The following ACYP2 variants were observed in gnomAD, a reference collection of about 807,000 sequenced individuals.
ACYP2 encodes acylphosphatase-2.
Under a neutral mutation model 11.2 loss-of-function variants are expected in ACYP2, and 12 were observed. That is an observed-to-expected ratio of 1.08 (90% confidence interval 0.69 to 1.74). The LOEUF is 1.74. Ranked by LOEUF, ACYP2 falls within the 40% of genes most tolerant of loss-of-function variation. The pLI, the probability that ACYP2 is intolerant of heterozygous loss-of-function variation, is 0.00. For missense variants in ACYP2, 134 were observed against 101.9 expected (o/e 1.31, Z -1.35); for synonymous variants, 43 against 32.2 (o/e 1.33, Z -1.13).
At position 54,172,571 on chromosome 2, in the gene ACYP2, A is replaced by G. The variant is rs558458706; in HGVS notation, c.404+33823A>G. Among the ~76,000 whole-genome samples, 31 of 152,318 alleles carry G rather than the reference A, an allele frequency of 2.0e-4. No homozygotes were observed. In the South Asian group the frequency reaches 6.4e-3, roughly 32 times the overall value. ...GAGGGAGCAGTATGTGGATGAGTAG[A>G]ATAAATTGAACTCTACTAATCTCTT... On this transcript the variant is annotated intron_variant, in intron 6 of 6. Coordinates refer to ENST00000607452, the MANE Select transcript of ACYP2 (RefSeq NM_001320586.2).
chr2:54,035,096 C>A lies in ACYP2; in HGVS notation c.63-15862C>A, dbSNP rs529300238. Reference sequence around the variant, plus strand: ...CTCACACACTGACATTTAAGAGCCCCAGCCTTGGGCAAAATCACTTAACTT... The same window carrying A: ...CTCACACACTGACATTTAAGAGCCCAAGCCTTGGGCAAAATCACTTAACTT... On this transcript the variant is annotated intron_variant, in intron 2 of 6. Transcript: ENST00000607452. Among the ~76,000 whole-genome samples the A allele has an allele frequency of 4.6e-4, 70 of 150,650 alleles. No individual in the cohort carries two copies. In the Middle Eastern group the frequency reaches 0.017, roughly 37 times the overall value.
intron 4 of ACYP2, among the ~76,000 whole-genome samples, chr2:54,080,655 A>G (rs1232089346): frequency 2.6e-5 from 4 of 151,612 alleles, no homozygotes; most frequent in African/African-American, 9.7e-5. Flanking sequence ...TGCCCAGGTA[A>G]TTTTTGTATT....
At chr2:54,255,387 A>C (rs959523605) in intron 6 of ACYP2, 19 of 1,613,834 alleles carry the variant, frequency 1.2e-5, no homozygotes, top group Non-Finnish European at 1.5e-5. Flanking sequence ...GGTGGCGGAA[A>C]GCAGTGACCC....
At chr2:54,006,864 C>T (rs922958708) in intron 2 of ACYP2, among the ~76,000 whole-genome samples, 1 of 151,988 alleles carries the variant, frequency 6.6e-6, no homozygotes, top group Non-Finnish European at 1.5e-5. Flanking sequence ...GTGGCTCACA[C>T]CTGTAATCCC....
intron 6 of ACYP2, among the ~76,000 whole-genome samples, chr2:54,231,592 C>A (rs1054845263): frequency 3.9e-5 from 6 of 152,170 alleles, no homozygotes; most frequent in Admixed American, 2.6e-4. Flanking sequence ...GAGTTTGTTT[C>A]CTCATGTATC....
chr2:54,195,550 C>G (rs1030023112), intron 6 of ACYP2, among the ~76,000 whole-genome samples: 4 of 151,794 alleles, frequency 2.6e-5, no homozygotes, highest in Non-Finnish European at 5.9e-5. Flanking sequence ...ACTCCATCCT[C>G]CAGGGCACCT....
At chr2:54,136,365 T>G (rs1681233399) in intron 5 of ACYP2, among the ~76,000 whole-genome samples, 2 of 152,154 alleles carry the variant, frequency 1.3e-5, no homozygotes, top group Non-Finnish European at 2.9e-5. Context: ...ACTCCTTTCC[T>G]ACAACTTAAT....
intron 6 of ACYP2, among the ~76,000 whole-genome samples, chr2:54,225,411 T>C (rs1685972258): frequency 6.6e-6 from 1 of 152,226 alleles, no homozygotes; most frequent in African/African-American, 2.4e-5. Context: ...TAAAATTTGG[T>C]TAATTACAAA....
chr2:54,108,792 C>G (rs1474058899), intron 4 of ACYP2, among the ~76,000 whole-genome samples: 6 of 152,162 alleles, frequency 3.9e-5, no homozygotes, highest in Non-Finnish European at 7.3e-5. Context: ...GTAATATTAA[C>G]TTTACCTTTT....
intron 6 of ACYP2, among the ~76,000 whole-genome samples, chr2:54,282,448 A>G (rs576111836): frequency 1.3e-5 from 2 of 152,184 alleles, no homozygotes; most frequent in Admixed American, 6.5e-5. Context: ...CCTTGTGGTC[A>G]TATGTCAAGA....
chr2:54,176,712 C>T (rs766060839), intron 6 of ACYP2, among the ~76,000 whole-genome samples: 1 of 152,258 alleles, frequency 6.6e-6, no homozygotes, highest in African/African-American at 2.4e-5. Context: ...TGCTTAGTTG[C>T]TCAGTGCCTG....
intron 2 of ACYP2, among the ~76,000 whole-genome samples, chr2:54,003,932 C>T (rs1672927664): frequency 6.6e-6 from 1 of 152,136 alleles, no homozygotes; most frequent in Non-Finnish European, 1.5e-5. Flanking sequence ...TGGCCATTCT[C>T]ATAGATGCGT....
At chr2:54,164,809 T>C (rs1163562217) in intron 6 of ACYP2, among the ~76,000 whole-genome samples, 1 of 152,118 alleles carries the variant, frequency 6.6e-6, no homozygotes, top group Non-Finnish European at 1.5e-5. Flanking sequence ...TATCATCTAG[T>C]TTTTAAGCCC....
At chr2:54,291,280 T>C (rs1689292508) in intron 6 of ACYP2, among the ~76,000 whole-genome samples, 1 of 152,208 alleles carries the variant, frequency 6.6e-6, no homozygotes, top group African/African-American at 2.4e-5. Flanking sequence ...TCTGTTGCCT[T>C]CTTCTGCACC....
At chr2:54,035,767 A>G (rs1159253808) in intron 2 of ACYP2, among the ~76,000 whole-genome samples, 2 of 152,190 alleles carry the variant, frequency 1.3e-5, no homozygotes, top group African/African-American at 4.8e-5. Context: ...CCAATGGTAG[A>G]TGTTTCCTTC....
intron 6 of ACYP2, among the ~76,000 whole-genome samples, chr2:54,271,625 C>T (rs1221639557): frequency 6.6e-6 from 1 of 152,016 alleles, no homozygotes; most frequent in African/African-American, 2.4e-5. Context: ...ATCAGAGAGA[C>T]TGATTTGAGT....
intron 6 of ACYP2, among the ~76,000 whole-genome samples, chr2:54,297,479 C>A (rs1173243826): frequency 6.6e-6 from 1 of 152,052 alleles, no homozygotes; most frequent in African/African-American, 2.4e-5. Context: ...ACCTGGGTGA[C>A]AAAGTGAGAC....
At chr2:54,073,215 T>A (rs1015070171) in intron 4 of ACYP2, among the ~76,000 whole-genome samples, 9 of 152,118 alleles carry the variant, frequency 5.9e-5, no homozygotes, top group African/African-American at 2.2e-4. Flanking sequence ...GACTCTGACT[T>A]CACACCATAT....
At chr2:53,978,571 C>G (rs1671605139) in intron 2 of ACYP2, among the ~76,000 whole-genome samples, 1 of 152,128 alleles carries the variant, frequency 6.6e-6, no homozygotes, top group African/African-American at 2.4e-5. Context: ...AACGAACCTA[C>G]TACACTTCCA....
Sources: allele counts gnomAD v4.1 joint callset (sites outside exome capture counted in the v4.1 genomes callset), GRCh38; gene constraint gnomAD v4.1.1; transcripts MANE v1.5; gene names NCBI Gene and HGNC (gene_info 2026-07-23, HGNC 2026-07-21).